Variants in TPR observed in about 807,000 individuals in gnomAD.
TPR encodes nucleoprotein TPR.
Under a neutral mutation model 316.1 loss-of-function variants are expected in TPR, and 51 were observed. The ratio of observed to expected loss-of-function variants is 0.16; its 90% CI spans 0.13 to 0.20. The LOEUF (loss-of-function observed/expected upper bound fraction) is 0.20, where lower values mean the gene tolerates loss of function less well. TPR is among the 10% of genes least tolerant of loss of function. The probability of loss-of-function intolerance (pLI) is 1.00; values close to 1 mark genes in which losing one functional copy is unlikely to be tolerated. For synonymous variants in TPR, 981 were observed against 914.7 expected, an observed-to-expected ratio of 1.07 and a Z score of -1.31; for missense variants, 2,272 against 2,754.8, an observed-to-expected ratio of 0.82 and a Z score of 3.92.
At chr1:186,353,664 T>C (rs1457011424) in intron 18 of TPR, 24 bp downstream of exon 18, 18 of 1,596,240 alleles carry the variant, frequency 1.1e-5, no homozygotes, top group Non-Finnish European at 1.4e-5. Flanking sequence ...ATAATGCAAG[T>C]TGGACAAGGG....
At chr1:186,327,053 CATATATATT>C (rs1657965656) in intron 40 of TPR, among the ~76,000 whole-genome samples, 2 of 9,482 alleles carry the variant, frequency 2.1e-4, no homozygotes, top group African/African-American at 9.0e-4. Context: ...AAATATATAA[CATATATATT>C]ATATATAAAT....
Position 186,360,312 on chromosome 1 carries a change from A to G in TPR, c.1152T>C (p.Ala384=), listed in dbSNP as rs1659144504. The part of the protein sequence containing the change: ...ELAAMSPTAA[A]VAKIVKPGMK... ...TCCCAGGTTTCACTATCTTAGCTAC[A>G]GCTGCTGCAGTAGGAGACATGGCGG... Residue 384 remains alanine, a synonymous_variant, in exon 11 of 51, where the codon GCT becomes GCC. Coordinates refer to ENST00000367478, the MANE Select transcript of TPR (RefSeq NM_003292.3). 7 of 1,613,390 alleles carry G rather than the reference A, an allele frequency of 4.3e-6. No homozygotes were observed. The highest frequency in any genetic ancestry group is 5.9e-6 in the Non-Finnish European group (7 of 1,179,534).
At position 186,313,834 on chromosome 1, in the gene TPR, C is replaced by A. The variant is rs1657464344; in HGVS notation, c.*137G>T. 4.0e-6 allele frequency: 6 copies of A among 1,501,808 alleles called. No individual in the cohort carries two copies. Among genetic ancestry groups the A allele is most frequent in the Middle Eastern group, 1.7e-4 (1 of 5,890 alleles). The allele number at this position is 1,501,808 out of a possible 1,614,324, so 93.0% of individuals were successfully genotyped here. The stretch of plus-strand genomic sequence containing the variant: ...AAGAAATGAATAATAAATTTTGACA[C>A]TGAAAAACATTTTATTAATAAAGAA... On this transcript the variant is annotated 3_prime_UTR_variant, in exon 51 of 51. Coordinates refer to ENST00000367478, the MANE Select transcript of TPR (RefSeq NM_003292.3).
intron 42 of TPR, among the ~76,000 whole-genome samples, chr1:186,325,023 C>G (rs1011775713): frequency 6.6e-6 from 1 of 151,942 alleles, no homozygotes; most frequent in Non-Finnish European, 1.5e-5. Flanking sequence ...ATGTATTTTT[C>G]TCTTAAAAAA....
rs751317713 is a variant in TPR, at chr1:186,327,466, T to G, written c.5883A>C (p.Glu1961Asp). The change falls in exon 40 of 51, where the codon GAA becomes GAC. Residue 1961 changes from glutamate (E) to aspartate (D), a missense_variant. Physicochemically the swap from Glu to Asp is conservative, Grantham distance 45. Around this residue, in one of 10 missense-constraint regions of TPR, gnomAD observed 435 missense variants for 461.1 expected, o/e 0.94. Coordinates refer to ENST00000367478, the MANE Select transcript of TPR (RefSeq NM_003292.3). ...EEEDDDENDG[E>D]HEDYEEDEED... ...GATTTCAAATCAAACTTACCTCATG[T>G]TCTCCATCATTTTCATCATCATCCT... 2.5e-6 allele frequency: 4 copies of G among 1,609,708 alleles called. No homozygotes were observed. The highest frequency in any genetic ancestry group is 3.4e-6 in the Non-Finnish European group (4 of 1,179,332).
Position 186,333,290 on chromosome 1 carries a change from T to C in TPR, c.5287A>G (p.Ile1763Val). 2 of 1,613,664 alleles carry C rather than the reference T, an allele frequency of 1.2e-6. No homozygotes were observed. Among genetic ancestry groups the C allele is most frequent in the Non-Finnish European group, 1.7e-6 (2 of 1,179,700 alleles). ...PNVQPSISQP[I>V]LTVQQQTQAT... The stretch of plus-strand genomic sequence containing the variant: ...TGTGTTTGTTGCTGAACAGTTAAAA[T>C]AGGTTGAGAGATAGAAGGCTGGACA... Residue 1763 changes from isoleucine (I) to valine (V), a missense_variant, in exon 37 of 51, where the codon ATT becomes GTT. Physicochemically the swap from Ile to Val is conservative, Grantham distance 29. Coordinates refer to ENST00000367478, the MANE Select transcript of TPR (RefSeq NM_003292.3).
intron 42 of TPR, among the ~76,000 whole-genome samples, chr1:186,325,045 T>C (rs892414921): frequency 6.6e-6 from 1 of 152,162 alleles, no homozygotes; most frequent in Non-Finnish European, 1.5e-5. Flanking sequence ...TTAAAAGTTT[T>C]GTCTGTTCTT....
rs765153922 is a variant in TPR at position 186,343,353 on chromosome 1, A to G, written c.3723T>C (p.Ser1241=). 3 of 1,613,818 alleles carry G rather than the reference A, an allele frequency of 1.9e-6. No individual in the cohort carries two copies. The East Asian group carries it at 6.7e-5, about 36-fold the overall frequency. Residue 1241 remains serine, a synonymous_variant, in exon 27 of 51, where the codon AGT becomes AGC. Coordinates refer to ENST00000367478, the MANE Select transcript of TPR (RefSeq NM_003292.3). The stretch of plus-strand genomic sequence containing the variant: ...GGACTTTCTCCCTTTCAGCATTTAG[A>G]CTATCTTGCAGTTCCTGCAGCTCTC... The part of the protein sequence containing the change: ...LERELQELQD[S]LNAEREKVQV...
intron 4 of TPR, among the ~76,000 whole-genome samples, chr1:186,365,262 A>G (rs1223906742): frequency 6.6e-6 from 1 of 151,862 alleles, no homozygotes; most frequent in Admixed American, 6.6e-5. Context: ...CGCCCAGCTA[A>G]TTTTTGTATT....
chr1:186,356,288 T>A lies in TPR; in HGVS notation c.1886A>T (p.His629Leu). 2 of 1,594,184 alleles carry A rather than the reference T, an allele frequency of 1.3e-6. No homozygotes were observed. Among genetic ancestry groups the A allele is most frequent in the Admixed American group, 1.7e-5 (1 of 59,050 alleles). Residue 629 changes from histidine (H) to leucine (L), a missense_variant and splice_region_variant, in exon 15 of 51, where the codon CAT becomes CTT. This residue lies in a region of TPR where 757 missense variants were observed against 859.8 expected (regional missense o/e 0.88). Coordinates refer to ENST00000367478, the MANE Select transcript of TPR (RefSeq NM_003292.3). The part of the protein sequence containing the change: ...SQTTGVAIPL[H>L]ASSLDDVSLA... The stretch of plus-strand genomic sequence containing the variant: ...AAAATAACTTTATAAAAACCTACCA[T>A]GTAATGGAATGGCAACTCCTGTTGT...
At chr1:186,338,993 A>G (rs1482987688) in intron 30 of TPR, among the ~76,000 whole-genome samples, 2 of 152,250 alleles carry the variant, frequency 1.3e-5, no homozygotes, top group South Asian at 2.1e-4. Flanking sequence ...TTGTAAAGCA[A>G]TATATAAATG....
rs981273038 is a variant in TPR at position 186,313,911 on chromosome 1, A to C, written c.*60T>G. On this transcript the variant is annotated 3_prime_UTR_variant, in exon 51 of 51. Coordinates refer to ENST00000367478, the MANE Select transcript of TPR (RefSeq NM_003292.3). The stretch of plus-strand genomic sequence containing the variant: ...TATAAAAATGTTTTTAAACTTGACA[A>C]TCATTACACTAAAACAGATTTGATA... 126 of 1,569,388 alleles carry C rather than the reference A, an allele frequency of 8.0e-5. 1 individual carries two copies. The African/African-American group carries it at 1.3e-3, about 16-fold the overall frequency.
intron 41 of TPR, 37 bp from the exon 42 acceptor site, chr1:186,325,891 A>C: frequency 6.3e-7 from 1 of 1,597,116 alleles, no homozygotes; most frequent in African/African-American, 1.3e-5. Flanking sequence ...GCTCAAATAA[A>C]ATAAATATGT....
Position 186,320,427 on chromosome 1 carries a change from A to G in TPR, c.6462-9T>C, listed in dbSNP as rs756857667. On this transcript the variant is annotated splice_polypyrimidine_tract_variant and intron_variant, in intron 45 of 50. Transcript: ENST00000367478. ...CAGCAACCTGCGGCGAACTAAATGG[A>G]CAAAAACTAATTTAAGATGAAATTT... 1 of 1,598,940 alleles carries G rather than the reference A, an allele frequency of 6.3e-7. No individual in the cohort carries two copies. Among genetic ancestry groups the G allele is most frequent in the Non-Finnish European group, 8.5e-7 (1 of 1,172,112 alleles).
chr1:186,313,613 C>G lies in TPR; in HGVS notation c.*358G>C. The G allele has an allele frequency of 1.1e-6, 1 of 912,968 alleles. No homozygotes were observed. The highest frequency in any genetic ancestry group is 1.8e-6 in the Non-Finnish European group (1 of 542,952). 56.6% of individuals were successfully genotyped at this position (912,968 alleles called of 1,614,324 possible). On this transcript the variant is annotated 3_prime_UTR_variant, in exon 51 of 51. Coordinates refer to ENST00000367478, the MANE Select transcript of TPR (RefSeq NM_003292.3). ...CATTGTCTTTGAGCATAATAGTCAA[C>G]ATAAGTTATTTTTTAGTTTGGGCAT...
chr1:186,357,732 T>C, intron 13 of TPR, 109 bp from the exon 14 acceptor site: 2 of 847,632 alleles, frequency 2.4e-6, no homozygotes, highest in African/African-American at 1.7e-5. Context: ...CTTCAACTTG[T>C]ACTGCCTCAA....
intron 42 of TPR, among the ~76,000 whole-genome samples, chr1:186,324,647 C>A (rs1657863930): frequency 6.6e-6 from 1 of 152,186 alleles, no homozygotes; most frequent in Admixed American, 6.5e-5. Flanking sequence ...TCAGATTCTT[C>A]ATTGATACCT....
chr1:186,340,545 C>T (rs1424964298), intron 29 of TPR, among the ~76,000 whole-genome samples: 1 of 151,978 alleles, frequency 6.6e-6, no homozygotes, highest in East Asian at 1.9e-4. Context: ...AATCCTCTGA[C>T]CTCAGCCTCC....
Position 186,314,609 on chromosome 1 carries a change from C to T in TPR, c.7036+20G>A, listed in dbSNP as rs752388348. The T allele has an allele frequency of 6.4e-7, 1 of 1,571,794 alleles. No individual in the cohort carries two copies. Among genetic ancestry groups the T allele is most frequent in the South Asian group, 1.1e-5 (1 of 86,966 alleles). ...CTATTCCACATTCTATCATGTAATC[C>T]AGTTATGTCAGAAATTCACCTCTCT... On this transcript the variant is annotated intron_variant, in intron 50 of 50. Transcript: ENST00000367478.
Sources: gnomAD v4.1 joint callset for allele counts (sites outside exome capture counted in the v4.1 genomes callset) on GRCh38, gnomAD v4.1.1 for gene constraint, gnomAD v4.1.1 regional missense constraint, MANE v1.5 for transcripts, NCBI Gene and HGNC (gene_info 2026-07-23, HGNC 2026-07-21) for gene names.